The following ACVR1 variants were observed in gnomAD, a reference collection of about 807,000 sequenced individuals.
ACVR1 encodes the protein activin A receptor type 1.
A neutral mutation model predicts 57.1 loss-of-function variants in ACVR1; 38 were observed. That is an observed-to-expected ratio of 0.67 (90% confidence interval 0.51 to 0.87). The LOEUF is 0.87. Ranked by LOEUF, ACVR1 falls within the 40% of genes least tolerant of loss-of-function variation. The pLI is 0.00. For missense variants in ACVR1, 463 were observed against 638.2 expected (o/e 0.73, Z 2.96); for synonymous variants, 212 against 228.1 (o/e 0.93, Z 0.63).
rs189564589 is a variant in ACVR1 at position 157,772,969 on chromosome 2, G to A, written c.643+1119C>T. On this transcript the variant is annotated intron_variant, in intron 6 of 10. Transcript: ENST00000434821. ...CCCGTTTCTACTACTCAGACTGGGGGTGTCCCTCTTTCCATGAAAACAAGA... is the reference window on the plus strand; with the variant it reads ...CCCGTTTCTACTACTCAGACTGGGGATGTCCCTCTTTCCATGAAAACAAGA... 2.3e-4 allele frequency among the ~76,000 whole-genome samples: 35 copies of A among 152,266 alleles called. No homozygotes were observed. The South Asian group carries it at 5.2e-3, about 23-fold the overall frequency.
intron 3 of ACVR1, among the ~76,000 whole-genome samples, chr2:157,799,097 A>G (rs1363571736): frequency 6.6e-6 from 1 of 150,802 alleles, no homozygotes; most frequent in Non-Finnish European, 1.5e-5. Context: ...GGGTTTCACC[A>G]TGTTGTCTGG....
In ACVR1 at chr2:157,753,255, T is replaced by G. The variant is rs567905649; in HGVS notation, c.1264+7625A>C. ...AAGATAAAAGGCCTTGACAGCCGGGTGTGGTGGTTCACGCCTGTAATCCCA... is the reference window on the plus strand; with the variant it reads ...AAGATAAAAGGCCTTGACAGCCGGGGGTGGTGGTTCACGCCTGTAATCCCA... On this transcript the variant is annotated intron_variant, in intron 9 of 10. Coordinates refer to ENST00000434821, the MANE Select transcript of ACVR1 (RefSeq NM_001111067.4). Among the ~76,000 whole-genome samples, 32 of 152,174 alleles carry G rather than the reference T, an allele frequency of 2.1e-4. 1 individual carries two copies. Among genetic ancestry groups the G allele is most frequent in the African/African-American group, 7.5e-4 (31 of 41,516 alleles).
At chr2:157,827,380 A>C (rs1688422703) in intron 1 of ACVR1, among the ~76,000 whole-genome samples, 1 of 152,212 alleles carries the variant, frequency 6.6e-6, no homozygotes, top group Non-Finnish European at 1.5e-5. Context: ...GTAAAAAAGA[A>C]AAGAAAAATG....
At chr2:157,774,866 G>A (rs1282815567) in intron 5 of ACVR1, among the ~76,000 whole-genome samples, 3 of 150,596 alleles carry the variant, frequency 2.0e-5, no homozygotes, top group Admixed American at 6.6e-5. Context: ...GCAGTAGAGA[G>A]AATAGCAGGT....
chr2:157,747,754 T>TGTG lies in ACVR1; in HGVS notation c.1265-9185_1265-9184insCAC, dbSNP rs1553497312. ...AAGTTTAGATAAACTGATTTGTGTGTGGGGGGGTGTACATTGTGTGTATAC... is the reference window on the plus strand; with the variant it reads ...AAGTTTAGATAAACTGATTTGTGTGTGTGGGGGGGGTGTACATTGTGTGTATAC... On this transcript the variant is annotated intron_variant, in intron 9 of 10. Coordinates refer to ENST00000434821, the MANE Select transcript of ACVR1 (RefSeq NM_001111067.4). Among the ~76,000 whole-genome samples, 12 of 151,870 alleles carry TGTG rather than the reference T, an allele frequency of 7.9e-5. 1 individual carries two copies. Among genetic ancestry groups the TGTG allele is most frequent in the Admixed American group, 7.9e-4 (12 of 15,266 alleles).
chr2:157,740,449 G>T (rs1274351141), intron 9 of ACVR1, among the ~76,000 whole-genome samples: 1 of 152,036 alleles, frequency 6.6e-6, no homozygotes, highest in Non-Finnish European at 1.5e-5. Flanking sequence ...GCTGAACATG[G>T]ACCTAGAGAG....
At chr2:157,755,158 G>C (rs1204146902) in intron 9 of ACVR1, among the ~76,000 whole-genome samples, 1 of 152,034 alleles carries the variant, frequency 6.6e-6, no homozygotes, top group Non-Finnish European at 1.5e-5. Context: ...ACATTATACT[G>C]AACAGGGAAA....
At chr2:157,750,999 G>A (rs1277298068) in intron 9 of ACVR1, among the ~76,000 whole-genome samples, 9 of 151,914 alleles carry the variant, frequency 5.9e-5, no homozygotes, top group Admixed American at 1.3e-4. Context: ...GTGGAGACTC[G>A]CACCATAAAC....
intron 2 of ACVR1, among the ~76,000 whole-genome samples, chr2:157,814,328 T>C (rs952225350): frequency 1.3e-5 from 2 of 152,120 alleles, no homozygotes; most frequent in African/African-American, 2.4e-5. Context: ...AACACAAGCA[T>C]AGAAAGATAA....
intron 8 of ACVR1, among the ~76,000 whole-genome samples, chr2:157,762,598 A>T (rs922673196): frequency 1.3e-5 from 2 of 152,224 alleles, no homozygotes; most frequent in Non-Finnish European, 2.9e-5. Context: ...ACTTGTGGAC[A>T]TATTTTAAAG....
At position 157,829,753 on chromosome 2, in the gene ACVR1, G is replaced by C. The variant is rs573892875; in HGVS notation, c.-182-11194C>G. On this transcript the variant is annotated intron_variant, in intron 1 of 10. Transcript: ENST00000434821. Reference sequence around the variant, plus strand: ...CCCAAAGCCCCCATGTCTACATCCTGTCTGAAATATTAACACATGCCCCCT... The same window carrying C: ...CCCAAAGCCCCCATGTCTACATCCTCTCTGAAATATTAACACATGCCCCCT... Among the ~76,000 whole-genome samples, 26 of 152,274 alleles carry C rather than the reference G, an allele frequency of 1.7e-4. No individual in the cohort carries two copies. In the South Asian group the frequency reaches 5.2e-3, roughly 30 times the overall value.
intron 9 of ACVR1, among the ~76,000 whole-genome samples, chr2:157,745,261 A>G (rs1684924178): frequency 6.6e-6 from 1 of 152,216 alleles, no homozygotes; most frequent in African/African-American, 2.4e-5. Context: ...TCCCTGGGTT[A>G]AACTATGAAC....
intron 2 of ACVR1, among the ~76,000 whole-genome samples, chr2:157,809,686 G>C (rs548533171): frequency 1.3e-5 from 2 of 152,278 alleles, no homozygotes; most frequent in African/African-American, 2.4e-5. Context: ...ATGAAGTAGG[G>C]AGAAAGAATG....
intron 2 of ACVR1, among the ~76,000 whole-genome samples, chr2:157,807,599 A>G (rs369161679): frequency 6.6e-6 from 1 of 150,766 alleles, no homozygotes; most frequent in Non-Finnish European, 1.5e-5. Flanking sequence ...GAAAAGCCCC[A>G]TTATCCCTTC....
intron 8 of ACVR1, among the ~76,000 whole-genome samples, chr2:157,764,413 C>T (rs1381804239): frequency 2.1e-5 from 3 of 140,456 alleles, no homozygotes; most frequent in African/African-American, 5.3e-5. Flanking sequence ...TCATCACGTT[C>T]GCCAGGCTCA....
chr2:157,851,006 T>C (rs990351302), intron 1 of ACVR1, among the ~76,000 whole-genome samples: 3 of 152,078 alleles, frequency 2.0e-5, no homozygotes, highest in Non-Finnish European at 4.4e-5. Context: ...ACTTAACAGA[T>C]CCATCTTAAC....
At chr2:157,788,024 AC>A (rs1686777601) in intron 3 of ACVR1, among the ~76,000 whole-genome samples, 2 of 152,072 alleles carry the variant, frequency 1.3e-5, no homozygotes, top group East Asian at 3.9e-4. Flanking sequence ...ACAGAGACAA[AC>A]CCTTCAAAAG....
At chr2:157,858,002 T>C (rs1689592564) in intron 1 of ACVR1, among the ~76,000 whole-genome samples, 2 of 151,562 alleles carry the variant, frequency 1.3e-5, no homozygotes, top group South Asian at 2.1e-4. Flanking sequence ...TTCCCTAAGG[T>C]CCCACACTAT....
At chr2:157,762,973 G>A (rs1183800419) in intron 8 of ACVR1, among the ~76,000 whole-genome samples, 1 of 152,154 alleles carries the variant, frequency 6.6e-6, no homozygotes, top group African/African-American at 2.4e-5. Flanking sequence ...CAAGATTCCT[G>A]ACTCTCAAGA....
Sources: gnomAD v4.1 joint callset for allele counts (sites outside exome capture counted in the v4.1 genomes callset) on GRCh38, gnomAD v4.1.1 for gene constraint, MANE v1.5 for transcripts, NCBI Gene and HGNC (gene_info 2026-07-23, HGNC 2026-07-21) for gene names.